MYOM2: variants seen among roughly 807,000 people sequenced by gnomAD.
MYOM2 encodes the protein myomesin 2, also known as myomesin-2.
In MYOM2, 254 loss-of-function variants were observed where a neutral mutation model predicts 187.6. The ratio of observed to expected loss-of-function variants is 1.35; its 90% CI spans 1.22 to 1.50. The LOEUF (loss-of-function observed/expected upper bound fraction) is 1.50. Ranked by LOEUF, MYOM2 falls within the 40% of genes most tolerant of loss-of-function variation. MYOM2 has a pLI of 0.00. For missense variants in MYOM2, 2,796 were observed against 1,924.0 expected, an observed-to-expected ratio of 1.45 and a Z score of -8.48; for synonymous variants, 981 against 753.8, an observed-to-expected ratio of 1.30 and a Z score of -4.94.
intron 34 of MYOM2, among the ~76,000 whole-genome samples, chr8:2,141,619 T>C (rs1032527414): frequency 2.6e-5 from 4 of 152,038 alleles, no homozygotes; most frequent in African/African-American, 7.2e-5. Context: ...TATTGTGAGG[T>C]TGGAATACCT....
At position 2,076,258 on chromosome 8, in the gene MYOM2, C is replaced by T; in HGVS notation, c.1238C>T (p.Pro413Leu). 1 of 1,613,782 alleles carries T rather than the reference C, an allele frequency of 6.2e-7. No homozygotes were observed. Among genetic ancestry groups the T allele is most frequent in the Non-Finnish European group, 8.5e-7 (1 of 1,179,952 alleles). The change falls in exon 11 of 37, where the codon CCC becomes CTC. Residue 413 changes from proline to leucine, a missense_variant. Coordinates refer to ENST00000262113, the MANE Select transcript of MYOM2 (RefSeq NM_003970.4). ...CCGCCCAACACCACCACTGAGAGCC[C>T]CGTCATGGGCTATTTTGTGGACCGG... ...WKPPNTTTES[P>L]VMGYFVDRCE...
At chr8:2,102,646 T>C in intron 20 of MYOM2, 21 bp from the exon 21 acceptor site, 2 of 1,532,900 alleles carry the variant, frequency 1.3e-6, no homozygotes, top group Middle Eastern at 1.7e-4. Flanking sequence ...ACACATCTGG[T>C]GTTTCCTCTG....
At chr8:2,140,688 C>G in intron 32 of MYOM2, 35 bp from the exon 33 acceptor site, 9 of 1,608,820 alleles carry the variant, frequency 5.6e-6, no homozygotes, top group Non-Finnish European at 7.6e-6. Flanking sequence ...ACATGGAGAC[C>G]CTAACTCAGA....
At chr8:2,097,215 A>G in intron 18 of MYOM2, 2 of 489,816 alleles carry the variant, frequency 4.1e-6, no homozygotes, top group Non-Finnish European at 5.3e-6. Context: ...TCTTTATAAT[A>G]TATGTTAATA....
At chr8:2,137,212 C>A (rs568230904) in intron 32 of MYOM2, among the ~76,000 whole-genome samples, 1 of 151,926 alleles carries the variant, frequency 6.6e-6, no homozygotes, top group African/African-American at 2.4e-5. Context: ...ACATTGTCTT[C>A]TCCCTAACAC....
chr8:2,090,224 G>A, intron 15 of MYOM2, 33 bp downstream of exon 15: 1 of 1,595,060 alleles, frequency 6.3e-7, no homozygotes, highest in Non-Finnish European at 8.6e-7. Context: ...CCCAAGTCAG[G>A]ATGGACTAAG....
intron 17 of MYOM2, among the ~76,000 whole-genome samples, chr8:2,095,285 A>G (rs1312526897): frequency 6.8e-6 from 1 of 146,044 alleles, no homozygotes; most frequent in African/African-American, 2.6e-5. Flanking sequence ...CTAAAGGAAA[A>G]CCACTTTCTT....
chr8:2,141,400 G>A (rs1370776705), intron 34 of MYOM2, among the ~76,000 whole-genome samples: 1 of 152,200 alleles, frequency 6.6e-6, no homozygotes, highest in Non-Finnish European at 1.5e-5. Flanking sequence ...CGGAACCCCG[G>A]ATGAATTTCG....
At position 2,143,048 on chromosome 8, in the gene MYOM2, G is replaced by T. The variant is rs368359504; in HGVS notation, c.4025-353G>T. Among the ~76,000 whole-genome samples the T allele has an allele frequency of 9.8e-4, 149 of 151,996 alleles. 1 individual carries two copies. In the South Asian group the frequency reaches 0.011, roughly 11 times the overall value. ...TGGGATTACAGGCGTGAGCCACTGCGCCTGGCCAGGACCCCGTCACTTTCT... is the reference window on the plus strand; with the variant it reads ...TGGGATTACAGGCGTGAGCCACTGCTCCTGGCCAGGACCCCGTCACTTTCT... On this transcript the variant is annotated intron_variant, in intron 35 of 36. Coordinates refer to ENST00000262113, the MANE Select transcript of MYOM2 (RefSeq NM_003970.4).
chr8:2,144,686 T>C lies in MYOM2; in HGVS notation c.4103T>C (p.Val1368Ala). ...EGKTLNLTCTVFGNPDPEVIW... is the reference protein window; with the variant it reads ...EGKTLNLTCTAFGNPDPEVIW... ...AAGACCTTGAATCTGACCTGCACGG[T>C]GTTTGGAAACCCTGACCCCGAAGTG... The change falls in exon 37 of 37, where the codon GTG becomes GCG. Residue 1368 changes from valine (V) to alanine (A), a missense_variant. Val to Ala is a moderately conservative substitution (Grantham distance 64, BLOSUM62 0). Coordinates refer to ENST00000262113, the MANE Select transcript of MYOM2 (RefSeq NM_003970.4). 6.2e-7 allele frequency: 1 copy of C among 1,614,036 alleles called. No homozygotes were observed. Among genetic ancestry groups the C allele is most frequent in the Non-Finnish European group, 8.5e-7 (1 of 1,180,030 alleles).
At chr8:2,098,795 C>G in intron 18 of MYOM2, 62 bp from the exon 19 acceptor site, 1 of 1,500,962 alleles carries the variant, frequency 6.7e-7, no homozygotes, top group Non-Finnish European at 9.0e-7. Context: ...ACAACTCCTC[C>G]CCCTCAGTGG....
chr8:2,054,208 C>T (rs1246511922), intron 3 of MYOM2, among the ~76,000 whole-genome samples: 1 of 152,164 alleles, frequency 6.6e-6, no homozygotes, highest in East Asian at 1.9e-4. Context: ...AAATTGTGGG[C>T]TCACTGATGT....
intron 9 of MYOM2, among the ~76,000 whole-genome samples, chr8:2,073,012 C>T (rs577986760): frequency 1.3e-5 from 2 of 152,174 alleles, no homozygotes; most frequent in East Asian, 1.9e-4. Flanking sequence ...GGGGGGAAGC[C>T]GGTTGGGGCA....
intron 31 of MYOM2, among the ~76,000 whole-genome samples, chr8:2,126,829 C>G (rs35679733): frequency 2.6e-4 from 25 of 97,742 alleles, no homozygotes; most frequent in South Asian, 7.2e-4. Context: ...TCTGGGGGAG[C>G]ACTGGGAGAG....
rs1369554337 is a variant in MYOM2, at chr8:2,144,768, G to A, written c.4185G>A (p.Val1395=). The change falls in exon 37 of 37, where the codon GTG becomes GTA. Residue 1395 remains valine, a synonymous_variant. Transcript: ENST00000262113. Reference sequence around the variant, plus strand: ...TCAGCGAGCACTTCTCGGTGAAGGTGGAGCAGGCCAAGTACGTCAGCATGA... The same window carrying A: ...TCAGCGAGCACTTCTCGGTGAAGGTAGAGCAGGCCAAGTACGTCAGCATGA... ...IQLSEHFSVK[V]EQAKYVSMTI... 3.7e-6 allele frequency: 6 copies of A among 1,614,096 alleles called. No individual in the cohort carries two copies. The East Asian group carries it at 1.3e-4, about 36-fold the overall frequency.
chr8:2,089,672 A>G (rs1263898368), intron 14 of MYOM2, among the ~76,000 whole-genome samples: 1 of 152,196 alleles, frequency 6.6e-6, no homozygotes, highest in Non-Finnish European at 1.5e-5. Context: ...ATACTTCTAA[A>G]TTATCTTTCA....
chr8:2,076,577 G>A (rs960967365), intron 11 of MYOM2: 2 of 357,364 alleles, frequency 5.6e-6, no homozygotes, highest in Admixed American at 4.4e-5. Context: ...TCTGAGCCCC[G>A]CGCTGTGGTT....
intron 31 of MYOM2, among the ~76,000 whole-genome samples, chr8:2,127,258 G>C (rs144190105): frequency 6.6e-5 from 10 of 152,242 alleles, no homozygotes; most frequent in African/African-American, 2.2e-4. Flanking sequence ...AGGAAACAGA[G>C]TCCCACCTGA....
At position 2,076,202 on chromosome 8, in the gene MYOM2, C is replaced by G; in HGVS notation, c.1182C>G (p.Ala394=). 6.2e-7 allele frequency: 1 copy of G among 1,613,598 alleles called. No homozygotes were observed. The highest frequency in any genetic ancestry group is 8.5e-7 in the Non-Finnish European group (1 of 1,179,922). Residue 394 remains alanine, a synonymous_variant, in exon 11 of 37, where the codon GCC becomes GCG. Coordinates refer to ENST00000262113, the MANE Select transcript of MYOM2 (RefSeq NM_003970.4). ...GAPMDLQCHD[A]NRDYVIVTWK... ...CCATGGACTTGCAGTGCCACGACGC[C>G]AACCGGGACTACGTCATCGTGACCT...
Sources: gnomAD v4.1 joint callset for allele counts (sites outside exome capture counted in the v4.1 genomes callset) on GRCh38, gnomAD v4.1.1 for gene constraint, MANE v1.5 for transcripts, NCBI Gene and HGNC (gene_info 2026-07-23, HGNC 2026-07-21) for gene names.